The following SMOC2 variants were observed in gnomAD, a reference collection of about 807,000 sequenced individuals.
SMOC2 encodes the protein SPARC related modular calcium binding 2, also known as SPARC-related modular calcium-binding protein 2.
In SMOC2, 39 loss-of-function variants were observed where a neutral mutation model predicts 61.4. That is an observed-to-expected ratio of 0.64 (90% CI 0.49 to 0.83). SMOC2 has a LOEUF of 0.83. SMOC2 is among the 40% of genes least tolerant of loss of function. The pLI, the probability that SMOC2 is intolerant of heterozygous loss-of-function variation, is 0.00. For synonymous variants in SMOC2, 247 were observed against 239.9 expected, an observed-to-expected ratio of 1.03 and a Z score of -0.27; for missense variants, 556 against 592.9, an observed-to-expected ratio of 0.94 and a Z score of 0.65.
chr6:168,519,024 C>T (rs1783246675), intron 2 of SMOC2, among the ~76,000 whole-genome samples: 1 of 119,286 alleles, frequency 8.4e-6, no homozygotes, highest in Non-Finnish European at 1.8e-5. Flanking sequence ...TGCATGCGAA[C>T]ATGTGTGTGT....
chr6:168,566,721 G>C (rs1310360264), intron 7 of SMOC2, among the ~76,000 whole-genome samples: 3 of 152,022 alleles, frequency 2.0e-5, no homozygotes, highest in Non-Finnish European at 4.4e-5. Flanking sequence ...GGATGATCTT[G>C]ATCTCTTGAC....
At chr6:168,655,468 C>A in intron 11 of SMOC2, 1 of 454,920 alleles carries the variant, frequency 2.2e-6, no homozygotes, top group Admixed American at 2.4e-5. Flanking sequence ...CCGGGTCTGA[C>A]TTTTCAGCTC....
chr6:168,612,680 C>T (rs1010711888), intron 9 of SMOC2, among the ~76,000 whole-genome samples: 1 of 152,242 alleles, frequency 6.6e-6, no homozygotes, highest in African/African-American at 2.4e-5. Context: ...AAAGCCAGAA[C>T]AGTCCCTTGC....
At chr6:168,587,974 G>T (rs1471000793) in intron 7 of SMOC2, among the ~76,000 whole-genome samples, 1 of 146,416 alleles carries the variant, frequency 6.8e-6, no homozygotes, top group Non-Finnish European at 1.5e-5. Flanking sequence ...CTGGAGGCTG[G>T]AAGTCCAAGA....
At chr6:168,455,092 C>T (rs1781553686) in intron 1 of SMOC2, among the ~76,000 whole-genome samples, 2 of 151,792 alleles carry the variant, frequency 1.3e-5, no homozygotes, top group South Asian at 2.1e-4. Flanking sequence ...GGTGCCGGGG[C>T]GGAGTGAGGA....
rs1384649402 is a variant in SMOC2, at chr6:168,510,113, A to G, written c.256+27A>G. The stretch of plus-strand genomic sequence containing the variant: ...TAAGCTGCTGTTTGATCATTCATCC[A>G]AAGATGGGTACATCCATCATCAAAA... On this transcript the variant is annotated intron_variant, in intron 2 of 12. Coordinates refer to ENST00000356284, the MANE Select transcript of SMOC2 (RefSeq NM_001166412.2). 6 of 1,604,902 alleles carry G rather than the reference A, an allele frequency of 3.7e-6. No individual in the cohort carries two copies. The Admixed American group carries it at 1.0e-4, about 27-fold the overall frequency.
chr6:168,495,715 C>T (rs1171498830), intron 1 of SMOC2, among the ~76,000 whole-genome samples: 5 of 152,180 alleles, frequency 3.3e-5, no homozygotes, highest in East Asian at 1.9e-4. Flanking sequence ...AGGCGTGACC[C>T]GGGTCACAGG....
intron 9 of SMOC2, among the ~76,000 whole-genome samples, chr6:168,634,978 A>G (rs1325480241): frequency 6.6e-6 from 1 of 152,232 alleles, no homozygotes; most frequent in South Asian, 2.1e-4. Context: ...TGCTCATTTA[A>G]ACAATGAGTT....
intron 9 of SMOC2, among the ~76,000 whole-genome samples, chr6:168,646,118 C>T (rs534596570): frequency 2.6e-5 from 4 of 152,330 alleles, no homozygotes; most frequent in African/African-American, 9.6e-5. Context: ...CTGCTAGATA[C>T]TTAAAACCAG....
intron 1 of SMOC2, among the ~76,000 whole-genome samples, chr6:168,480,580 A>T (rs1002972988): frequency 6.6e-6 from 1 of 151,840 alleles, no homozygotes; most frequent in Non-Finnish European, 1.5e-5. Context: ...TGAGAAATAT[A>T]TTTTTTTTAA....
chr6:168,467,835 A>G (rs1781879087), intron 1 of SMOC2, among the ~76,000 whole-genome samples: 1 of 152,134 alleles, frequency 6.6e-6, no homozygotes, highest in African/African-American at 2.4e-5. Flanking sequence ...TTGATCAATG[A>G]TTATTTTCCT....
chr6:168,634,123 C>T (rs550235869), intron 9 of SMOC2, among the ~76,000 whole-genome samples: 2 of 152,254 alleles, frequency 1.3e-5, no homozygotes, highest in East Asian at 3.9e-4. Flanking sequence ...ATAAATTGCC[C>T]AGTCTTGGGG....
At chr6:168,570,039 T>C (rs1327234252) in intron 7 of SMOC2, among the ~76,000 whole-genome samples, 2 of 151,948 alleles carry the variant, frequency 1.3e-5, no homozygotes, top group African/African-American at 4.8e-5. Context: ...AGGCGTAAGG[T>C]CCGTGTCTAG....
chr6:168,556,942 AG>A (rs1470373845), intron 7 of SMOC2, among the ~76,000 whole-genome samples: 3 of 151,808 alleles, frequency 2.0e-5, no homozygotes, highest in African/African-American at 7.3e-5. Context: ...TTCAATGTCC[AG>A]GAAGAGTCCT....
At chr6:168,467,071 G>A (rs571524797) in intron 1 of SMOC2, among the ~76,000 whole-genome samples, 3 of 151,750 alleles carry the variant, frequency 2.0e-5, no homozygotes, top group South Asian at 4.2e-4. Context: ...TCCACGTTTC[G>A]GGAGCTGCAG....
intron 8 of SMOC2, among the ~76,000 whole-genome samples, chr6:168,602,567 C>T (rs1785578674): frequency 6.6e-6 from 1 of 152,160 alleles, no homozygotes; most frequent in Non-Finnish European, 1.5e-5. Context: ...GGGAAGGGAC[C>T]TGTTGTGGTT....
chr6:168,521,181 C>T (rs1156499605), intron 2 of SMOC2, among the ~76,000 whole-genome samples: 1 of 152,000 alleles, frequency 6.6e-6, no homozygotes, highest in Non-Finnish European at 1.5e-5. Flanking sequence ...CAGAGCCTTG[C>T]TCTGTCACCC....
At chr6:168,641,400 A>C (rs1461606631) in intron 9 of SMOC2, among the ~76,000 whole-genome samples, 1 of 152,186 alleles carries the variant, frequency 6.6e-6, no homozygotes. Context: ...ACCTTCATTC[A>C]AAAGCTCCTT....
At chr6:168,481,760 C>A (rs769875310) in intron 1 of SMOC2, among the ~76,000 whole-genome samples, 39 of 151,986 alleles carry the variant, frequency 2.6e-4, no homozygotes, top group Non-Finnish European at 4.0e-4. Context: ...TATATGATGT[C>A]TACAAGAGAC....
Sources: gnomAD v4.1 joint callset for allele counts (sites outside exome capture counted in the v4.1 genomes callset) on GRCh38, gnomAD v4.1.1 for gene constraint, MANE v1.5 for transcripts, NCBI Gene and HGNC (gene_info 2026-07-23, HGNC 2026-07-21) for gene names.